The following P3H2 variants were observed in gnomAD, a reference collection of about 807,000 sequenced individuals.
The protein encoded by P3H2 is prolyl 3-hydroxylase 2.
P3H2 carries 80 observed loss-of-function variants against 87.0 expected under a neutral mutation model. The ratio of observed to expected loss-of-function variants is 0.92; its 90% CI spans 0.77 to 1.11. The LOEUF (loss-of-function observed/expected upper bound fraction) is 1.11, where lower values mean the gene tolerates loss of function less well. Ranked by LOEUF, P3H2 falls within the 50% of genes least tolerant of loss-of-function variation. P3H2 has a pLI of 0.00. For missense variants in P3H2, 1,001 were observed against 923.9 expected (o/e 1.08, Z -1.08); for synonymous variants, 367 against 359.3 (o/e 1.02, Z -0.24).
chr3:189,969,377 G>T, intron 13 of P3H2: 1 of 797,762 alleles, frequency 1.3e-6, no homozygotes, highest in Non-Finnish European at 2.2e-6. Context: ...CCCTTTGAAT[G>T]TCACCAGAGT....
At chr3:190,114,054 TG>T (rs1712180845) in intron 1 of P3H2, among the ~76,000 whole-genome samples, 1 of 94,076 alleles carries the variant, frequency 1.1e-5, no homozygotes, top group African/African-American at 4.8e-5. Flanking sequence ...CACTCCAGCC[TG>T]GGCGACAGAG....
chr3:190,093,599 A>G (rs986058969), intron 1 of P3H2, among the ~76,000 whole-genome samples: 1 of 152,270 alleles, frequency 6.6e-6, no homozygotes, highest in Non-Finnish European at 1.5e-5. Flanking sequence ...ACCACAAGTC[A>G]TCTTCAGAAA....
upstream of P3H2, chr3:190,121,445 T>G (rs1415595934): frequency 6.6e-6 from 1 of 152,074 alleles, no homozygotes; most frequent in Non-Finnish European, 1.5e-5. Flanking sequence ...CCTAAATGCA[T>G]AGAGCTGAGA....
chr3:189,959,202 A>G (rs1454683932), intron 14 of P3H2, among the ~76,000 whole-genome samples: 2 of 149,044 alleles, frequency 1.3e-5, no homozygotes, highest in African/African-American at 5.0e-5. Flanking sequence ...TGGTGTGCTT[A>G]TAAGAAGTTG....
intron 7 of P3H2, chr3:189,983,417 C>G: frequency 2.6e-6 from 1 of 381,158 alleles, no homozygotes; most frequent in Non-Finnish European, 4.8e-6. Flanking sequence ...AGACTCTAAT[C>G]TCAAGTAGGA....
chr3:189,968,633 T>C (rs1170588429), intron 13 of P3H2, among the ~76,000 whole-genome samples: 20 of 152,168 alleles, frequency 1.3e-4, no homozygotes, highest in Admixed American at 1.3e-3. Context: ...CTGGGTCAAA[T>C]GGTATTTCTG....
chr3:190,004,538 A>G (rs553606226), intron 1 of P3H2, among the ~76,000 whole-genome samples: 2 of 151,602 alleles, frequency 1.3e-5, no homozygotes, highest in Admixed American at 6.6e-5. Flanking sequence ...GCCCGCCTCC[A>G]CGCCCGGCTA....
chr3:190,077,224 A>T (rs756311334), intron 1 of P3H2, among the ~76,000 whole-genome samples: 18 of 152,166 alleles, frequency 1.2e-4, no homozygotes, highest in Non-Finnish European at 2.4e-4. Context: ...CTGACAGCAG[A>T]CCTGGTCTCC....
intron 1 of P3H2, among the ~76,000 whole-genome samples, chr3:190,053,398 T>C (rs1471204436): frequency 1.3e-5 from 2 of 151,790 alleles, no homozygotes; most frequent in Non-Finnish European, 2.9e-5. Context: ...ATTTTTCAAA[T>C]ATTTTCTCTC....
Position 190,120,745 on chromosome 3 carries a change from G to C in P3H2, c.-14C>G. On this transcript the variant is annotated 5_prime_UTR_variant, in exon 1 of 15. Transcript: ENST00000319332. Reference sequence around the variant, plus strand: ...GCGCTCCCGCATCCTCCGCCTCAGAGAGGCGCGGGACGGTTACGCTCGAGA... The same window carrying C: ...GCGCTCCCGCATCCTCCGCCTCAGACAGGCGCGGGACGGTTACGCTCGAGA... The C allele has an allele frequency of 6.6e-7, 1 of 1,518,086 alleles. No homozygotes were observed. The highest frequency in any genetic ancestry group is 8.8e-7 in the Non-Finnish European group (1 of 1,140,312). The allele number at this position is 1,518,086 out of a possible 1,614,324, so 94.0% of individuals were successfully genotyped here.
chr3:190,042,496 G>C (rs1662878613), intron 1 of P3H2, among the ~76,000 whole-genome samples: 1 of 151,940 alleles, frequency 6.6e-6, no homozygotes, highest in African/African-American at 2.4e-5. Flanking sequence ...GCATATTGTG[G>C]AATATATCAA....
At chr3:190,052,104 G>C (rs185136057) in intron 1 of P3H2, among the ~76,000 whole-genome samples, 1 of 152,074 alleles carries the variant, frequency 6.6e-6, no homozygotes, top group African/African-American at 2.4e-5. Context: ...TTAAGTTCTG[G>C]GATACACGTG....
At chr3:190,016,535 C>T (rs1203644749) in intron 1 of P3H2, among the ~76,000 whole-genome samples, 1 of 152,202 alleles carries the variant, frequency 6.6e-6, no homozygotes, top group African/African-American at 2.4e-5. Context: ...TGAGCCACTG[C>T]ACCCGGCCTG....
At chr3:190,083,760 T>G (rs1490506251) in intron 1 of P3H2, among the ~76,000 whole-genome samples, 1 of 152,180 alleles carries the variant, frequency 6.6e-6, no homozygotes, top group East Asian at 1.9e-4. Flanking sequence ...TTTCTCTCCC[T>G]TTTGCCAACT....
intron 1 of P3H2, among the ~76,000 whole-genome samples, chr3:190,052,523 G>C (rs564543619): frequency 2.0e-5 from 3 of 152,076 alleles, no homozygotes; most frequent in African/African-American, 7.2e-5. Context: ...CACATTGATT[G>C]AGATCTTTCT....
chr3:189,977,809 G>T (rs1205932604), intron 8 of P3H2, among the ~76,000 whole-genome samples: 37 of 151,164 alleles, frequency 2.4e-4, no homozygotes, highest in Admixed American at 2.4e-3. Flanking sequence ...TTATTTTCAG[G>T]GTCTTGCCCA....
At chr3:190,018,795 C>CTCTTA (rs1346311827) in intron 1 of P3H2, among the ~76,000 whole-genome samples, 1 of 152,208 alleles carries the variant, frequency 6.6e-6, no homozygotes, top group Non-Finnish European at 1.5e-5. Flanking sequence ...AGGGAATGAA[C>CTCTTA]TGTAAGTGCT....
At chr3:190,083,712 G>T (rs1267128502) in intron 1 of P3H2, among the ~76,000 whole-genome samples, 2 of 152,146 alleles carry the variant, frequency 1.3e-5, no homozygotes, top group African/African-American at 4.8e-5. Flanking sequence ...AATCATGTAT[G>T]GCCTCTCAGA....
chr3:189,963,877 C>T (rs536048634), intron 14 of P3H2, 81 bp downstream of exon 14: 77 of 1,445,892 alleles, frequency 5.3e-5, no homozygotes, highest in African/African-American at 1.3e-4. Flanking sequence ...TTTCCTCAGA[C>T]GAAGCAATTT....
Sources: allele counts gnomAD v4.1 joint callset (sites outside exome capture counted in the v4.1 genomes callset), GRCh38; gene constraint gnomAD v4.1.1; transcripts MANE v1.5; gene names NCBI Gene and HGNC (gene_info 2026-07-23, HGNC 2026-07-21).